Variants in ARHGAP15 observed in about 807,000 individuals in gnomAD.
ARHGAP15 encodes Rho GTPase activating protein 15.
ARHGAP15 carries 51 observed loss-of-function variants against 63.7 expected under a neutral mutation model. That is an observed-to-expected ratio of 0.80 (90% CI 0.64 to 1.01). ARHGAP15 has a LOEUF of 1.01. ARHGAP15 is among the 50% of genes least tolerant of loss of function. The pLI is 0.00. For synonymous variants in ARHGAP15, 191 were observed against 193.8 expected (o/e 0.99, Z 0.12); for missense variants, 560 against 564.6 (o/e 0.99, Z 0.08).
chr2:143,547,533 C>T (rs755859518), intron 10 of ARHGAP15, among the ~76,000 whole-genome samples: 18 of 150,134 alleles, frequency 1.2e-4, no homozygotes, highest in Non-Finnish European at 2.2e-4. Context: ...CCTATACTTC[C>T]GGATTCCAAA....
At chr2:143,541,461 T>C (rs1286045917) in intron 10 of ARHGAP15, among the ~76,000 whole-genome samples, 1 of 152,234 alleles carries the variant, frequency 6.6e-6, no homozygotes, top group Admixed American at 6.5e-5. Context: ...CTCTGATTTT[T>C]AGAGTTTCCG....
intron 6 of ARHGAP15, among the ~76,000 whole-genome samples, chr2:143,312,168 A>ATT (rs1683476921): frequency 6.6e-6 from 1 of 152,168 alleles, no homozygotes; most frequent in Admixed American, 6.6e-5. Context: ...CCTTTAAAGG[A>ATT]TTACAGTATT....
chr2:143,438,653 A>G (rs1689723273), intron 8 of ARHGAP15, among the ~76,000 whole-genome samples: 1 of 152,224 alleles, frequency 6.6e-6, no homozygotes, highest in Admixed American at 6.5e-5. Flanking sequence ...CCATTTCAAA[A>G]GACTTTTCCA....
intron 6 of ARHGAP15, among the ~76,000 whole-genome samples, chr2:143,408,021 A>G (rs1446452234): frequency 3.9e-5 from 4 of 103,126 alleles, no homozygotes; most frequent in Non-Finnish European, 7.8e-5. Context: ...ATATATATAT[A>G]TATATATATA....
At chr2:143,250,049 T>C (rs1322969957) in intron 5 of ARHGAP15, among the ~76,000 whole-genome samples, 1 of 152,134 alleles carries the variant, frequency 6.6e-6, no homozygotes, top group Non-Finnish European at 1.5e-5. Flanking sequence ...AACTCTACTA[T>C]AGTCGCAAAA....
At chr2:143,387,599 G>A (rs1478534279) in intron 6 of ARHGAP15, among the ~76,000 whole-genome samples, 1 of 152,078 alleles carries the variant, frequency 6.6e-6, no homozygotes, top group Admixed American at 6.5e-5. Context: ...AGAGCAGGTA[G>A]AGAACTTGCC....
chr2:143,219,504 AAAC>A (rs1276832697), intron 4 of ARHGAP15, among the ~76,000 whole-genome samples: 1 of 152,218 alleles, frequency 6.6e-6, no homozygotes, highest in Non-Finnish European at 1.5e-5. Context: ...CTTTCATTCC[AAAC>A]AACATTTCAA....
At chr2:143,387,469 A>G (rs145817744) in intron 6 of ARHGAP15, among the ~76,000 whole-genome samples, 2 of 152,292 alleles carry the variant, frequency 1.3e-5, no homozygotes, top group East Asian at 1.9e-4. Context: ...ATAAATACCA[A>G]TTATTGAGCA....
intron 8 of ARHGAP15, among the ~76,000 whole-genome samples, chr2:143,447,809 G>A (rs1040595339): frequency 6.6e-6 from 1 of 152,164 alleles, no homozygotes; most frequent in Non-Finnish European, 1.5e-5. Context: ...GCATGAGAGG[G>A]GAACCCTGAA....
At chr2:143,571,459 A>G (rs1696450459) in intron 11 of ARHGAP15, among the ~76,000 whole-genome samples, 1 of 152,208 alleles carries the variant, frequency 6.6e-6, no homozygotes, top group Non-Finnish European at 1.5e-5. Context: ...ATGAGTTGCT[A>G]AGAGTTGCAT....
At chr2:143,440,383 G>A (rs1400496781) in intron 8 of ARHGAP15, among the ~76,000 whole-genome samples, 3 of 152,098 alleles carry the variant, frequency 2.0e-5, no homozygotes, top group South Asian at 2.1e-4. Flanking sequence ...TAGAATCAGA[G>A]ACTCAACAGT....
chr2:143,718,101 T>C (rs1684889284), intron 13 of ARHGAP15, among the ~76,000 whole-genome samples: 2 of 152,146 alleles, frequency 1.3e-5, no homozygotes, highest in Admixed American at 1.3e-4. Context: ...GTTGGGGTTT[T>C]TTTTTCTCAT....
intron 8 of ARHGAP15, among the ~76,000 whole-genome samples, chr2:143,465,702 G>GA (rs1553484997): frequency 0.46 from 14,602 of 31,628 alleles, 879 homozygotes; most frequent in South Asian, 0.51. Context: ...AATAAAGCAA[G>GA]AAAAATAAGT....
At chr2:143,385,959 C>T (rs562026144) in intron 6 of ARHGAP15, among the ~76,000 whole-genome samples, 1 of 152,032 alleles carries the variant, frequency 6.6e-6, no homozygotes, top group Non-Finnish European at 1.5e-5. Flanking sequence ...AGTGTTGATG[C>T]TCTGAACTAC....
chr2:143,577,109 G>A (rs1696709349), intron 11 of ARHGAP15, among the ~76,000 whole-genome samples: 1 of 152,102 alleles, frequency 6.6e-6, no homozygotes, highest in Admixed American at 6.6e-5. Flanking sequence ...TTGGGCTCAG[G>A]TTGGTGAGAT....
chr2:143,496,343 T>C (rs1389934757), intron 9 of ARHGAP15, among the ~76,000 whole-genome samples: 1 of 152,134 alleles, frequency 6.6e-6, no homozygotes, highest in African/African-American at 2.4e-5. Context: ...ATCCAGGTCT[T>C]GTGAGATATT....
intron 13 of ARHGAP15, among the ~76,000 whole-genome samples, chr2:143,704,892 G>A (rs1251657062): frequency 6.6e-6 from 1 of 152,098 alleles, no homozygotes; most frequent in Non-Finnish European, 1.5e-5. Context: ...CAACAGTGAT[G>A]CATTTACATT....
At chr2:143,205,255 T>TA (rs71301732) in intron 3 of ARHGAP15, among the ~76,000 whole-genome samples, 16,395 of 85,324 alleles carry the variant, frequency 0.19, 1,117 homozygotes, top group Middle Eastern at 0.28. Context: ...CAGAGAGAGA[T>TA]AAAAAAAAAA....
intron 6 of ARHGAP15, among the ~76,000 whole-genome samples, chr2:143,410,093 G>GTACA (rs1322689118): frequency 6.6e-6 from 1 of 151,838 alleles, no homozygotes; most frequent in Non-Finnish European, 1.5e-5. Flanking sequence ...ACCAGTGTTG[G>GTACA]TACACATCAT....
Sources: allele counts gnomAD v4.1 joint callset (sites outside exome capture counted in the v4.1 genomes callset), GRCh38; gene constraint gnomAD v4.1.1; transcripts MANE v1.5; gene names NCBI Gene and HGNC (gene_info 2026-07-23, HGNC 2026-07-21).